The following PPP2R2D variants were observed in gnomAD, a reference collection of about 807,000 sequenced individuals.
PPP2R2D encodes serine/threonine-protein phosphatase 2A 55 kDa regulatory subunit B delta isoform.
Under a neutral mutation model 31.1 loss-of-function variants are expected in PPP2R2D, and 9 were observed. The ratio of observed to expected loss-of-function variants is 0.29; its 90% CI spans 0.17 to 0.51. The LOEUF (loss-of-function observed/expected upper bound fraction) is 0.51, where lower values mean the gene tolerates loss of function less well. PPP2R2D is among the 20% of genes least tolerant of loss of function. The pLI is 0.98. For missense variants in PPP2R2D, 391 were observed against 465.6 expected (o/e 0.84, Z 1.48); for synonymous variants, 179 against 172.6 (o/e 1.04, Z -0.29).
At chr10:131,938,781 G>A (rs2036389298) in intron 3 of PPP2R2D, among the ~76,000 whole-genome samples, 1 of 152,294 alleles carries the variant, frequency 6.6e-6, no homozygotes, top group Middle Eastern at 3.4e-3. Flanking sequence ...TGGCCCTGTG[G>A]CTTACTGTTG....
Position 131,945,441 on chromosome 10 carries a change from T to C in PPP2R2D, c.802T>C (p.Cys268Arg). The C allele has an allele frequency of 1.2e-6, 2 of 1,612,618 alleles. No homozygotes were observed. The highest frequency in any genetic ancestry group is 8.5e-7 in the Non-Finnish European group (1 of 1,179,120). The change falls in exon 7 of 9, where the codon TGC becomes CGC. Residue 268 changes from cysteine (C) to arginine (R), a missense_variant. Coordinates refer to ENST00000455566, the MANE Select transcript of PPP2R2D (RefSeq NM_018461.5). The surrounding 1 kb of genome is among the most constrained non-coding windows in gnomAD (Gnocchi z 4.8). ...GTGTGACATGCGCTCCTCGGCCCTG[T>C]GCGACAGACACTCCAAGTGTAAGTG... ...RLCDMRSSAL[C>R]DRHSKFFEEP...
At chr10:131,911,075 G>T (rs1051095856) in intron 2 of PPP2R2D, among the ~76,000 whole-genome samples, 2 of 151,996 alleles carry the variant, frequency 1.3e-5, no homozygotes, top group Non-Finnish European at 2.9e-5. Flanking sequence ...TGCTCAGTGA[G>T]GGTTGTGGAC....
chr10:131,920,348 C>T (rs1244325254), intron 2 of PPP2R2D, among the ~76,000 whole-genome samples: 11 of 144,484 alleles, frequency 7.6e-5, no homozygotes, highest in African/African-American at 2.9e-4. Context: ...GTGTAGGGAC[C>T]TCAGGCAGGT....
chr10:131,910,136 GT>G (rs1216806697), intron 2 of PPP2R2D, among the ~76,000 whole-genome samples: 1 of 152,220 alleles, frequency 6.6e-6, no homozygotes, highest in Non-Finnish European at 1.5e-5. Context: ...GTGGCAGCGT[GT>G]TTGAGTGTGC....
At chr10:131,937,242 T>C (rs1554896640) in intron 3 of PPP2R2D, among the ~76,000 whole-genome samples, 1 of 152,184 alleles carries the variant, frequency 6.6e-6, no homozygotes, top group African/African-American at 2.4e-5. Context: ...GTCAGCACCT[T>C]GAGTTTCAAG....
the PPP2R2D span, chr10:131,970,821 C>T: frequency 6.2e-7 from 1 of 1,614,226 alleles, no homozygotes. This position sits in a 1 kb window ranked among gnomAD's most constrained non-coding sequence, Gnocchi z 4.1. Flanking sequence ...GCTGATGTGT[C>T]CTCTGTCAAG....
At chr10:131,968,688 A>G in the PPP2R2D span, 6 of 758,266 alleles carry the variant, frequency 7.9e-6, no homozygotes, top group Non-Finnish European at 1.3e-5. Flanking sequence ...GTGATTTTAT[A>G]CCCATTATAA....
At chr10:131,946,758 A>G (rs1359230620) in intron 7 of PPP2R2D, among the ~76,000 whole-genome samples, 1 of 151,966 alleles carries the variant, frequency 6.6e-6, no homozygotes, top group African/African-American at 2.4e-5. Flanking sequence ...AAGAGAAAAA[A>G]CCTAAAGCAG....
chr10:131,946,114 G>A (rs1322678082), intron 7 of PPP2R2D, among the ~76,000 whole-genome samples: 1 of 152,212 alleles, frequency 6.6e-6, no homozygotes, highest in African/African-American at 2.4e-5. Context: ...CACACAGGAG[G>A]CCATTCCCAG....
chr10:131,963,809 C>T (rs1554901826), downstream of PPP2R2D, among the ~76,000 whole-genome samples: 1 of 152,216 alleles, frequency 6.6e-6, no homozygotes, highest in African/African-American at 2.4e-5. Flanking sequence ...GGAAATCCTG[C>T]AGCCTTCACC....
chr10:131,952,384 C>T (rs1435673435), intron 8 of PPP2R2D, among the ~76,000 whole-genome samples: 1 of 31,508 alleles, frequency 3.2e-5, no homozygotes, highest in African/African-American at 1.5e-4. Context: ...TGCGGGTGTG[C>T]GGGGGTTCAC....
chr10:131,944,566 C>T (rs1422301277), intron 6 of PPP2R2D, among the ~76,000 whole-genome samples: 1 of 152,204 alleles, frequency 6.6e-6, no homozygotes, highest in Non-Finnish European at 1.5e-5. Flanking sequence ...TGTGGCTGTG[C>T]ACAGTCTGGG....
chr10:131,954,359 C>A (rs1446340446), intron 8 of PPP2R2D, among the ~76,000 whole-genome samples: 1 of 152,234 alleles, frequency 6.6e-6, no homozygotes, highest in Admixed American at 6.5e-5. Context: ...TAAATGTAAG[C>A]TTCAGATTCA....
chr10:131,971,103 G>C, the PPP2R2D span: 2 of 812,932 alleles, frequency 2.5e-6, no homozygotes, highest in Admixed American at 4.5e-5. Context: ...GCCTCGGACC[G>C]TGGTCCAAGG....
At chr10:131,924,225 A>C (rs1032660589) in intron 2 of PPP2R2D, among the ~76,000 whole-genome samples, 27 of 152,108 alleles carry the variant, frequency 1.8e-4, no homozygotes, top group African/African-American at 6.5e-4. Flanking sequence ...ATTATATGTA[A>C]GAGACCACTG....
In PPP2R2D at chr10:131,947,881, G is replaced by A. The variant is rs1388270170; in HGVS notation, c.1082+90G>A. ...TGAGGGAGGCGAGCTGTCCTCCAGC[G>A]TCAGAGGAGGACGCTCATAGGGTGT... On this transcript the variant is annotated intron_variant, in intron 8 of 8. Transcript: ENST00000455566. The surrounding 1 kb of genome is among the most constrained non-coding windows in gnomAD (Gnocchi z 4.3). 2.1e-5 allele frequency: 32 copies of A among 1,505,960 alleles called. No homozygotes were observed. Among genetic ancestry groups the A allele is most frequent in the African/African-American group, 2.8e-5 (2 of 72,674 alleles). 93.3% of individuals were successfully genotyped at this position (1,505,960 alleles called of 1,614,324 possible).
intron 6 of PPP2R2D, 93 bp downstream of exon 6, chr10:131,944,238 C>A: frequency 1.9e-6 from 2 of 1,053,954 alleles, no homozygotes; most frequent in Non-Finnish European, 1.4e-6. Flanking sequence ...ATCTCGGAGT[C>A]TAGTCTTGTA....
intron 8 of PPP2R2D, among the ~76,000 whole-genome samples, chr10:131,948,707 G>A (rs1295579729): frequency 2.6e-5 from 4 of 152,234 alleles, no homozygotes; most frequent in African/African-American, 9.6e-5. Flanking sequence ...CTGCCCCTGT[G>A]AACAGCAGGT....
chr10:131,955,600 C>T (rs140965344), intron 8 of PPP2R2D, 84 bp from the exon 9 acceptor site: 15 of 1,253,164 alleles, frequency 1.2e-5, no homozygotes, highest in Middle Eastern at 3.0e-4. Flanking sequence ...GTGGCGTGCG[C>T]TGTGCACCCC....
Sources: gnomAD v4.1 joint callset for allele counts (sites outside exome capture counted in the v4.1 genomes callset) on GRCh38, gnomAD v4.1.1 for gene constraint, Gnocchi (gnomAD v3.1) non-coding constraint, MANE v1.5 for transcripts, NCBI Gene and HGNC (gene_info 2026-07-23, HGNC 2026-07-21) for gene names.